OXR1: variants seen among roughly 807,000 people sequenced by gnomAD.
OXR1 encodes oxidation resistance protein 1.
A neutral mutation model predicts 104.6 loss-of-function variants in OXR1; 41 were observed. The ratio of observed to expected loss-of-function variants is 0.39; its 90% CI spans 0.31 to 0.51. The LOEUF is 0.51. Ranked by LOEUF, OXR1 falls within the 20% of genes least tolerant of loss-of-function variation. The probability of loss-of-function intolerance (pLI) is 0.77; values close to 1 mark genes in which losing one functional copy is unlikely to be tolerated. For synonymous variants in OXR1, 348 were observed against 348.4 expected (o/e 1.00, Z 0.01); for missense variants, 955 against 1,031.9 (o/e 0.93, Z 1.02).
chr8:106,743,108 C>A (rs1835062434), intron 15 of OXR1, among the ~76,000 whole-genome samples: 1 of 151,952 alleles, frequency 6.6e-6, no homozygotes, highest in African/African-American at 2.4e-5. Flanking sequence ...AAAAAAAACA[C>A]CATTGAAAAG....
At chr8:106,740,912 A>T (rs1341066866) in intron 14 of OXR1, among the ~76,000 whole-genome samples, 2 of 152,156 alleles carry the variant, frequency 1.3e-5, no homozygotes, top group African/African-American at 4.8e-5. Flanking sequence ...AAATAAGAGT[A>T]ATATTGGTTT....
chr8:106,355,063 T>C (rs1563733635), intron 1 of OXR1, among the ~76,000 whole-genome samples: 1 of 152,104 alleles, frequency 6.6e-6, no homozygotes, highest in Non-Finnish European at 1.5e-5. Flanking sequence ...TCCTTAATAT[T>C]GCACTAAATG....
At chr8:106,466,234 G>C (rs960792232) in intron 2 of OXR1, among the ~76,000 whole-genome samples, 1 of 151,792 alleles carries the variant, frequency 6.6e-6, no homozygotes, top group South Asian at 2.1e-4. Context: ...ATGAACATTT[G>C]TCATTGTTTC....
intron 2 of OXR1, among the ~76,000 whole-genome samples, chr8:106,445,258 T>C (rs1398445442): frequency 6.6e-6 from 1 of 152,200 alleles, no homozygotes; most frequent in Non-Finnish European, 1.5e-5. Context: ...AGGCTTTATG[T>C]AGCATGAAAT....
chr8:106,475,020 G>C (rs1317965757), intron 2 of OXR1, among the ~76,000 whole-genome samples: 1 of 151,772 alleles, frequency 6.6e-6, no homozygotes, highest in East Asian at 1.9e-4. Context: ...TACAAAATAA[G>C]GAAAATATAG....
chr8:106,682,365 T>C (rs980921015), intron 4 of OXR1: 1 of 148,734 alleles, frequency 6.7e-6, no homozygotes, highest in Non-Finnish European at 1.5e-5. Flanking sequence ...GCCTCCTGGG[T>C]TCACGCCATT....
At chr8:106,720,414 A>G (rs1832728045) in intron 11 of OXR1, among the ~76,000 whole-genome samples, 3 of 152,192 alleles carry the variant, frequency 2.0e-5, no homozygotes, top group Non-Finnish European at 2.9e-5. Context: ...TTAAACATAT[A>G]CAATATTAAG....
At chr8:106,482,364 G>C (rs1822178170) in intron 2 of OXR1, among the ~76,000 whole-genome samples, 1 of 150,938 alleles carries the variant, frequency 6.6e-6, no homozygotes, top group Non-Finnish European at 1.5e-5. Context: ...ATGAGTGAGT[G>C]AGATGATGAG....
intron 7 of OXR1, among the ~76,000 whole-genome samples, chr8:106,693,194 A>G (rs894512485): frequency 6.6e-6 from 1 of 152,164 alleles, no homozygotes; most frequent in Non-Finnish European, 1.5e-5. Context: ...GAACTTCTGT[A>G]TAACTAGTAT....
chr8:106,582,323 A>T (rs1818307771), intron 3 of OXR1, among the ~76,000 whole-genome samples: 2 of 151,728 alleles, frequency 1.3e-5, no homozygotes, highest in African/African-American at 4.8e-5. Flanking sequence ...ATTATTTGGA[A>T]CTATAGGAGT....
intron 2 of OXR1, among the ~76,000 whole-genome samples, chr8:106,439,467 A>G (rs555464102): frequency 1.3e-5 from 2 of 152,266 alleles, no homozygotes; most frequent in South Asian, 4.1e-4. Context: ...AGCCCAAAAT[A>G]AAACAGTTGT....
At chr8:106,565,044 G>C (rs533188347) in intron 3 of OXR1, among the ~76,000 whole-genome samples, 18 of 152,174 alleles carry the variant, frequency 1.2e-4, no homozygotes, top group Non-Finnish European at 2.4e-4. Flanking sequence ...GGCAGAAGCT[G>C]GAAGCATTCC....
At chr8:106,468,104 T>C (rs911342849) in intron 2 of OXR1, among the ~76,000 whole-genome samples, 1 of 151,770 alleles carries the variant, frequency 6.6e-6, no homozygotes, top group African/African-American at 2.4e-5. Flanking sequence ...TGTGTATTTA[T>C]TCATTCTTTA....
chr8:106,597,972 T>G (rs759751657), intron 3 of OXR1, among the ~76,000 whole-genome samples: 38 of 152,236 alleles, frequency 2.5e-4, no homozygotes, highest in Non-Finnish European at 4.0e-4. Context: ...CTGGCCACCC[T>G]CTAAAGATTA....
chr8:106,512,576 A>G (rs571991707), intron 2 of OXR1, among the ~76,000 whole-genome samples: 2 of 151,852 alleles, frequency 1.3e-5, no homozygotes, highest in African/African-American at 2.4e-5. Context: ...CAATTAAATA[A>G]AAACACTTTT....
intron 2 of OXR1, among the ~76,000 whole-genome samples, chr8:106,471,349 T>A (rs925205034): frequency 2.6e-5 from 4 of 151,736 alleles, no homozygotes; most frequent in African/African-American, 9.7e-5. Context: ...AGAGAGTTTT[T>A]CATCACTGCT....
intron 3 of OXR1, among the ~76,000 whole-genome samples, chr8:106,593,959 T>G (rs1172259378): frequency 1.3e-5 from 2 of 152,064 alleles, no homozygotes; most frequent in Non-Finnish European, 2.9e-5. Context: ...TAGGCTGTGG[T>G]TTGTGTAAAA....
At chr8:106,476,934 G>T (rs770349752) in intron 2 of OXR1, among the ~76,000 whole-genome samples, 1 of 151,872 alleles carries the variant, frequency 6.6e-6, no homozygotes, top group African/African-American at 2.4e-5. Context: ...GAGGCATTTT[G>T]CAAAGTGCAG....
intron 1 of OXR1, among the ~76,000 whole-genome samples, chr8:106,332,059 C>T (rs1586533569): frequency 6.8e-6 from 1 of 146,408 alleles, no homozygotes; most frequent in African/African-American, 2.5e-5. Flanking sequence ...CTTCTTCCTC[C>T]CCATCCTCAG....
Sources: allele counts gnomAD v4.1 joint callset (sites outside exome capture counted in the v4.1 genomes callset), GRCh38; gene constraint gnomAD v4.1.1; transcripts MANE v1.5; gene names NCBI Gene and HGNC (gene_info 2026-07-23, HGNC 2026-07-21).